The following NLK variants were observed in gnomAD, a reference collection of about 807,000 sequenced individuals.
The protein encoded by NLK is serine/threonine-protein kinase NLK.
In NLK, 11 loss-of-function variants were observed where a neutral mutation model predicts 59.0. That is an observed-to-expected ratio of 0.19 (90% CI 0.12 to 0.31). The LOEUF (loss-of-function observed/expected upper bound fraction) is 0.31, where lower values mean the gene tolerates loss of function less well. Among genes scored for constraint, NLK ranks in the 10% least tolerant of loss-of-function variants. The pLI, the probability that NLK is intolerant of heterozygous loss-of-function variation, is 1.00. For missense variants in NLK, 410 were observed against 661.1 expected (o/e 0.62, Z 4.16); for synonymous variants, 235 against 235.9 (o/e 1.00, Z 0.03).
rs543338904 is a variant in NLK, at chr17:28,087,932, G to A, written c.459-34671G>A. Among the ~76,000 whole-genome samples the A allele has an allele frequency of 1.7e-4, 26 of 152,216 alleles. No individual in the cohort carries two copies. In the South Asian group the frequency reaches 4.2e-3, roughly 24 times the overall value. On this transcript the variant is annotated intron_variant, in intron 1 of 10. Transcript: ENST00000407008. ...GTTTATAGCTTAATATGGTGAATGA[G>A]GTCACCAAAGGAGGAAAGGCTAGAG...
At chr17:28,198,135 ATGTT>A (rs1400397586), downstream of NLK, among the ~76,000 whole-genome samples, 1 of 152,134 alleles carries the variant, frequency 6.6e-6, no homozygotes, top group Non-Finnish European at 1.5e-5. Context: ...CATGGCACAT[ATGTT>A]TGTTTGGGTC....
chr17:28,170,059 A>G (rs1195772607), intron 6 of NLK, among the ~76,000 whole-genome samples: 1 of 152,160 alleles, frequency 6.6e-6, no homozygotes, highest in East Asian at 1.9e-4. Context: ...ATAACATTTC[A>G]CCCACATAAA....
chr17:28,105,952 T>C (rs1404627839), intron 1 of NLK, among the ~76,000 whole-genome samples: 1 of 152,224 alleles, frequency 6.6e-6, no homozygotes, highest in East Asian at 1.9e-4. Flanking sequence ...GATGTTCCTA[T>C]TGTGGGTGAT....
intron 1 of NLK, among the ~76,000 whole-genome samples, chr17:28,068,845 AT>A (rs1041573707): frequency 3.3e-5 from 5 of 152,138 alleles, no homozygotes; most frequent in African/African-American, 1.2e-4. Context: ...CACCAGGCTA[AT>A]TTTTAAAATT....
At chr17:28,104,641 C>T (rs986351725) in intron 1 of NLK, among the ~76,000 whole-genome samples, 1 of 152,016 alleles carries the variant, frequency 6.6e-6, no homozygotes, top group Non-Finnish European at 1.5e-5. Context: ...GCCCATATCA[C>T]TTTGATGGTT....
At chr17:28,163,415 A>C in intron 4 of NLK, 128 bp from the exon 5 acceptor site, 1 of 587,590 alleles carries the variant, frequency 1.7e-6, no homozygotes, top group Non-Finnish European at 3.0e-6. Flanking sequence ...GCTTTTAATA[A>C]TGTTCATTAT....
chr17:28,142,287 C>A (rs1253476271), intron 3 of NLK, among the ~76,000 whole-genome samples: 2 of 152,004 alleles, frequency 1.3e-5, no homozygotes, highest in Non-Finnish European at 2.9e-5. Context: ...ACATTCTATA[C>A]AACAAATTTG....
downstream of NLK, among the ~76,000 whole-genome samples, chr17:28,199,332 G>C (rs900017447): frequency 1.3e-5 from 2 of 152,140 alleles, no homozygotes; most frequent in Non-Finnish European, 2.9e-5. Flanking sequence ...GCACAGTGGT[G>C]TGTGCCTGTA....
intron 1 of NLK, among the ~76,000 whole-genome samples, chr17:28,055,095 C>CTT (rs1041966713): frequency 1.8e-4 from 24 of 132,102 alleles, no homozygotes; most frequent in South Asian, 4.9e-4. Flanking sequence ...ATTTTTTTTT[C>CTT]TTTTTTTTTT....
intron 1 of NLK, among the ~76,000 whole-genome samples, chr17:28,120,254 G>GTGTGTA (rs1555561482): frequency 6.9e-6 from 1 of 145,598 alleles, no homozygotes; most frequent in Non-Finnish European, 1.5e-5. Context: ...GTGTGTGTGT[G>GTGTGTA]TGTGTGTGTG....
intron 5 of NLK, among the ~76,000 whole-genome samples, chr17:28,165,264 A>C (rs908639396): frequency 6.6e-6 from 1 of 152,120 alleles, no homozygotes; most frequent in South Asian, 2.1e-4. Context: ...ATTTCTTCTT[A>C]TTTTGGTTTT....
intron 1 of NLK, among the ~76,000 whole-genome samples, chr17:28,109,102 C>T (rs992267790): frequency 4.0e-5 from 6 of 151,402 alleles, no homozygotes; most frequent in African/African-American, 9.7e-5. Context: ...ACCTGGGAGG[C>T]GGAGCTTGCA....
In NLK at chr17:28,185,247, G is replaced by A. The variant is rs1186800052; in HGVS notation, c.1218G>A (p.Arg406=). 1.3e-6 allele frequency: 2 copies of A among 1,584,216 alleles called. No homozygotes were observed. The highest frequency in any genetic ancestry group is 8.6e-7 in the Non-Finnish European group (1 of 1,163,158). Residue 406 remains arginine (R), a synonymous_variant, in exon 8 of 11, where the codon AGG becomes AGA. Transcript: ENST00000407008. ...ATGAAGCTGTTCATCTCCTTTGCAGGATGTTGGTCTTTGATCCAGTAAGTA... is the reference window on the plus strand; with the variant it reads ...ATGAAGCTGTTCATCTCCTTTGCAGAATGTTGGTCTTTGATCCAGTAAGTA... The part of the protein sequence containing the change: ...ATHEAVHLLC[R]MLVFDPSKRI...
chr17:28,176,459 GC>G (rs977444697), intron 7 of NLK, among the ~76,000 whole-genome samples: 1 of 151,998 alleles, frequency 6.6e-6, no homozygotes, highest in Non-Finnish European at 1.5e-5. Context: ...TTATATACTA[GC>G]TCATTAAATT....
chr17:28,059,054 A>G (rs1431767916), intron 1 of NLK, among the ~76,000 whole-genome samples: 1 of 152,168 alleles, frequency 6.6e-6, no homozygotes, highest in Non-Finnish European at 1.5e-5. Flanking sequence ...TGAGGCCAGG[A>G]GGCAGAGGTT....
chr17:28,177,485 G>GCTGA (rs940039529), intron 7 of NLK, among the ~76,000 whole-genome samples: 1 of 152,206 alleles, frequency 6.6e-6, no homozygotes, highest in African/African-American at 2.4e-5. Flanking sequence ...TTGAGCTACA[G>GCTGA]CTGACTTCAG....
At chr17:28,062,485 A>G (rs559520027) in intron 1 of NLK, among the ~76,000 whole-genome samples, 1 of 152,336 alleles carries the variant, frequency 6.6e-6, no homozygotes, top group African/African-American at 2.4e-5. Flanking sequence ...AACATTTTTA[A>G]AATTTACTAT....
intron 9 of NLK, 151 bp from the exon 10 acceptor site, chr17:28,191,969 A>G: frequency 1.9e-6 from 1 of 526,408 alleles, no homozygotes; most frequent in Non-Finnish European, 3.4e-6. Context: ...TAGGAAGTTC[A>G]GCTGAATTCT....
At chr17:28,108,851 C>T (rs1214765032) in intron 1 of NLK, among the ~76,000 whole-genome samples, 1 of 152,132 alleles carries the variant, frequency 6.6e-6, no homozygotes, top group African/African-American at 2.4e-5. Context: ...TTCCCCATCC[C>T]AGACATAGGG....
Sources: gnomAD v4.1 joint callset for allele counts (sites outside exome capture counted in the v4.1 genomes callset) on GRCh38, gnomAD v4.1.1 for gene constraint, MANE v1.5 for transcripts, NCBI Gene and HGNC (gene_info 2026-07-23, HGNC 2026-07-21) for gene names.